Variants in LUZP2 observed in about 807,000 individuals in gnomAD.
LUZP2 encodes leucine zipper protein 2.
A neutral mutation model predicts 51.6 loss-of-function variants in LUZP2; 52 were observed. The ratio of observed to expected loss-of-function variants is 1.01; its 90% CI spans 0.81 to 1.27. LUZP2 has a LOEUF of 1.27. Ranked by LOEUF, LUZP2 falls within the 50% of genes most tolerant of loss-of-function variation. The pLI, the probability that LUZP2 is intolerant of heterozygous loss-of-function variation, is 0.00. For synonymous variants in LUZP2, 154 were observed against 137.3 expected (o/e 1.12, Z -0.85); for missense variants, 436 against 395.4 (o/e 1.10, Z -0.87).
chr11:24,690,388 AG>A (rs140265741), intron 1 of LUZP2, among the ~76,000 whole-genome samples: 1 of 152,256 alleles, frequency 6.6e-6, no homozygotes, highest in East Asian at 1.9e-4. Flanking sequence ...AAAAGCTCAT[AG>A]AAGGTGATTT....
chr11:24,787,442 G>A (rs1849281232), intron 5 of LUZP2, among the ~76,000 whole-genome samples: 1 of 152,118 alleles, frequency 6.6e-6, no homozygotes, highest in Admixed American at 6.6e-5. Context: ...ATTAATGTTA[G>A]CTATAATGAC....
intron 1 of LUZP2, among the ~76,000 whole-genome samples, chr11:24,653,474 T>C (rs1855700472): frequency 6.6e-6 from 1 of 152,174 alleles, no homozygotes; most frequent in Non-Finnish European, 1.5e-5. Flanking sequence ...TGTATGTCTA[T>C]AGCACATCCC....
At chr11:24,949,257 T>C (rs1422375621) in intron 7 of LUZP2, among the ~76,000 whole-genome samples, 1 of 151,474 alleles carries the variant, frequency 6.6e-6, no homozygotes, top group African/African-American at 2.4e-5. Context: ...CCTCTATTTC[T>C]TTCTTTCTTC....
intron 1 of LUZP2, among the ~76,000 whole-genome samples, chr11:24,582,453 A>C (rs1852899877): frequency 1.3e-5 from 2 of 152,074 alleles, no homozygotes; most frequent in African/African-American, 4.8e-5. Flanking sequence ...ACATTTTACT[A>C]TAAAATTTAA....
rs976051038 is a variant in LUZP2 at position 24,531,068 on chromosome 11, GC to G, written c.62+33765del. Among the ~76,000 whole-genome samples, 8 of 108,258 alleles carry G rather than the reference GC, an allele frequency of 7.4e-5. No individual in the cohort carries two copies. In the Admixed American group the frequency reaches 7.4e-4, roughly 10 times the overall value. The allele number at this position is 108,258 out of a possible 152,430, so 71.0% of individuals were successfully genotyped here. On this transcript the variant is annotated intron_variant, in intron 1 of 11. Transcript: ENST00000336930. ...TTATTATTATTATTATTATTATTTT[GC>G]CAGTGGAATTAACTTTAATATTACC...
At chr11:25,048,174 T>C (rs1858380221) in intron 9 of LUZP2, among the ~76,000 whole-genome samples, 1 of 152,146 alleles carries the variant, frequency 6.6e-6, no homozygotes, top group Non-Finnish European at 1.5e-5. Flanking sequence ...CTCTCTACTT[T>C]TTAGTATTTT....
At chr11:24,917,185 T>G (rs1490141086) in intron 7 of LUZP2, among the ~76,000 whole-genome samples, 1 of 152,110 alleles carries the variant, frequency 6.6e-6, no homozygotes, top group Non-Finnish European at 1.5e-5. Flanking sequence ...GGGTTGTTTG[T>G]TTTTTTCTTG....
intron 1 of LUZP2, among the ~76,000 whole-genome samples, chr11:24,695,720 A>C (rs1269175040): frequency 6.6e-6 from 1 of 152,080 alleles, no homozygotes; most frequent in Non-Finnish European, 1.5e-5. Flanking sequence ...GTGAAAGAGA[A>C]TGTATACATT....
At chr11:24,770,160 T>C (rs56719869) in intron 5 of LUZP2, among the ~76,000 whole-genome samples, 12,206 of 152,244 alleles carry the variant, frequency 0.08, 1,063 homozygotes, top group African/African-American at 0.22. Context: ...CTATCATTTG[T>C]AATTTTCTTG....
chr11:25,003,043 T>C (rs1300390423), intron 9 of LUZP2, among the ~76,000 whole-genome samples: 1 of 152,228 alleles, frequency 6.6e-6, no homozygotes, highest in African/African-American at 2.4e-5. Context: ...CCCTGGTTCC[T>C]CTGGCTAAAA....
At chr11:24,840,733 T>C (rs1168901312) in intron 5 of LUZP2, among the ~76,000 whole-genome samples, 1 of 151,940 alleles carries the variant, frequency 6.6e-6, no homozygotes, top group Non-Finnish European at 1.5e-5. Flanking sequence ...TACCAAAGTA[T>C]TACATAAATG....
chr11:24,526,563 T>C (rs1413407333), intron 1 of LUZP2, among the ~76,000 whole-genome samples: 1 of 151,432 alleles, frequency 6.6e-6, no homozygotes, highest in African/African-American at 2.4e-5. Context: ...AAATTATGTT[T>C]CTTTTCATTT....
At chr11:24,859,240 G>A (rs1851661232) in intron 5 of LUZP2, among the ~76,000 whole-genome samples, 1 of 151,990 alleles carries the variant, frequency 6.6e-6, no homozygotes. Flanking sequence ...ATTTTAATAA[G>A]TTCATTAAGC....
At chr11:24,782,516 G>GA (rs947314917) in intron 5 of LUZP2, among the ~76,000 whole-genome samples, 14 of 151,358 alleles carry the variant, frequency 9.2e-5, no homozygotes, top group South Asian at 2.1e-4. Flanking sequence ...TAGAGCATCT[G>GA]AAAAAAAAAT....
chr11:25,002,822 A>C (rs2133945553), intron 9 of LUZP2, among the ~76,000 whole-genome samples: 1 of 152,208 alleles, frequency 6.6e-6, no homozygotes, highest in East Asian at 1.9e-4. Context: ...TAAGATTTTG[A>C]AGGCTATTTC....
intron 1 of LUZP2, among the ~76,000 whole-genome samples, chr11:24,632,453 C>T (rs72880667): frequency 4.5e-4 from 68 of 152,092 alleles, no homozygotes; most frequent in Non-Finnish European, 8.2e-4. Flanking sequence ...CTAGCTTCCC[C>T]CATATCATTA....
chr11:25,042,764 A>G lies in LUZP2; in HGVS notation c.766-7274A>G, dbSNP rs564475873. 4.9e-3 allele frequency among the ~76,000 whole-genome samples: 747 copies of G among 152,120 alleles called. 8 individuals carry two copies. The highest frequency in any genetic ancestry group is 4.5e-3 in the Non-Finnish European group (306 of 68,010). On this transcript the variant is annotated intron_variant, in intron 9 of 11. Coordinates refer to ENST00000336930, the MANE Select transcript of LUZP2 (RefSeq NM_001009909.4). ...GTGGCTGTCTATATCTGCCCCCATTACCACCTTGCCTTCTATTCCATGTTT... is the reference window on the plus strand; with the variant it reads ...GTGGCTGTCTATATCTGCCCCCATTGCCACCTTGCCTTCTATTCCATGTTT...
At chr11:24,876,200 A>T (rs970203428) in intron 5 of LUZP2, among the ~76,000 whole-genome samples, 8 of 148,402 alleles carry the variant, frequency 5.4e-5, no homozygotes, top group African/African-American at 1.7e-4. Context: ...GGTAATGCCT[A>T]GGTTTTCTTC....
At chr11:24,769,694 T>TG (rs796120632) in intron 5 of LUZP2, among the ~76,000 whole-genome samples, 3 of 77,036 alleles carry the variant, frequency 3.9e-5, no homozygotes, top group African/African-American at 1.3e-4. Context: ...TGGTGGTCTA[T>TG]TTTTTTTTTT....
Sources: allele counts gnomAD v4.1 joint callset (sites outside exome capture counted in the v4.1 genomes callset), GRCh38; gene constraint gnomAD v4.1.1; transcripts MANE v1.5; gene names NCBI Gene and HGNC (gene_info 2026-07-23, HGNC 2026-07-21).